RAP2B: variants seen among roughly 807,000 people sequenced by gnomAD.
RAP2B encodes the protein RAP2B, member of RAS oncogene family.
In RAP2B, 6 loss-of-function variants were observed where a neutral mutation model predicts 14.4. That is an observed-to-expected ratio of 0.42 (90% CI 0.23 to 0.82). The LOEUF is 0.82. Ranked by LOEUF, RAP2B falls within the 40% of genes least tolerant of loss-of-function variation. The probability of loss-of-function intolerance (pLI) is 0.30; values close to 1 mark genes in which losing one functional copy is unlikely to be tolerated. For missense variants in RAP2B, 137 were observed against 248.2 expected, an observed-to-expected ratio of 0.55 and a Z score of 3.01; for synonymous variants, 118 against 113.2, an observed-to-expected ratio of 1.04 and a Z score of -0.27.
At position 153,170,395 on chromosome 3, in the gene RAP2B, TAAAAG is replaced by T. The variant is rs1309037079; in HGVS notation, c.*7152_*7156del. The T allele has an allele frequency of 7.9e-5, 12 of 152,218 alleles. No individual in the cohort carries two copies. The highest frequency in any genetic ancestry group is 5.2e-4 in the Admixed American group (8 of 15,280). 9.4% of individuals were successfully genotyped at this position (152,218 alleles called of 1,614,324 possible). ...TAGCTGTACTGCGAGCGCTAATACT[TAAAAG>T]AGGAAGTCAGGTGAAGGCGCAACAG... On this transcript the variant is annotated 3_prime_UTR_variant, in exon 1 of 1. Coordinates refer to ENST00000323534, the MANE Select transcript of RAP2B (RefSeq NM_002886.4).
rs1713484582 is a variant in RAP2B, at chr3:153,163,660, C to CTTTTTT, written c.*418_*419insTTTTTT. 7 of 81,132 alleles carry CTTTTTT rather than the reference C, an allele frequency of 8.6e-5. No individual in the cohort carries two copies. Among genetic ancestry groups the CTTTTTT allele is most frequent in the African/African-American group, 2.0e-4 (4 of 19,614 alleles). 5.0% of individuals were successfully genotyped at this position (81,132 alleles called of 1,614,324 possible). A position where few individuals can be genotyped will look rare whatever the true frequency, so the allele number is the denominator to read the frequency against. ...GTTTTTTTTTTTTTTTTTCTATTTT[C>CTTTTTT]TTTCTTTTTTTTTTTTTTTTTTTTT... On this transcript the variant is annotated 3_prime_UTR_variant, in exon 1 of 1. Transcript: ENST00000323534.
chr3:153,167,389 C>T lies in RAP2B; in HGVS notation c.*4144C>T, dbSNP rs1426494026. ...AGCTTAAAACATGTACTGCTGGGAC[C>T]CTCCTCCAGTTTCTTACCCAGTGGG... On this transcript the variant is annotated 3_prime_UTR_variant, in exon 1 of 1. Transcript: ENST00000323534. 6.0e-6 allele frequency: 1 copy of T among 166,876 alleles called. No individual in the cohort carries two copies. The allele number at this position is 166,876 out of a possible 1,614,324, so 10.3% of individuals were successfully genotyped here. A position where few individuals can be genotyped will look rare whatever the true frequency, so the allele number is the denominator to read the frequency against.
Position 153,169,643 on chromosome 3 carries a change from A to G in RAP2B, c.*6398A>G, listed in dbSNP as rs529926108. ...GTATTTTTAGTAGAGATGGGGTTTC[A>G]CTACGTTGGTCAGGATGGTCTTGAA... On this transcript the variant is annotated 3_prime_UTR_variant, in exon 1 of 1. Coordinates refer to ENST00000323534, the MANE Select transcript of RAP2B (RefSeq NM_002886.4). The G allele has an allele frequency of 1.3e-5, 2 of 152,294 alleles. No homozygotes were observed. Among genetic ancestry groups the G allele is most frequent in the South Asian group, 2.1e-4 (1 of 4,828 alleles). The allele number at this position is 152,294 out of a possible 1,614,324, so 9.4% of individuals were successfully genotyped here. A position where few individuals can be genotyped will look rare whatever the true frequency, so the allele number is the denominator to read the frequency against.
rs1713593338 is a variant in RAP2B at position 153,166,799 on chromosome 3, A to T, written c.*3554A>T. On this transcript the variant is annotated 3_prime_UTR_variant, in exon 1 of 1. Transcript: ENST00000323534. ...GTATGGGACTTCATGCTTCCTGATTATGTAATATTTCCTGTGGTTGGGAAT... is the reference window on the plus strand; with the variant it reads ...GTATGGGACTTCATGCTTCCTGATTTTGTAATATTTCCTGTGGTTGGGAAT... 1 of 166,530 alleles carries T rather than the reference A, an allele frequency of 6.0e-6. No homozygotes were observed. The highest frequency in any genetic ancestry group is 6.5e-5 in the Admixed American group (1 of 15,282). 10.3% of individuals were successfully genotyped at this position (166,530 alleles called of 1,614,324 possible). A position where few individuals can be genotyped will look rare whatever the true frequency, so the allele number is the denominator to read the frequency against.
In RAP2B at chr3:153,165,354, T is replaced by C. The variant is rs1419045705; in HGVS notation, c.*2109T>C. 1 of 167,058 alleles carries C rather than the reference T, an allele frequency of 6.0e-6. No individual in the cohort carries two copies. The highest frequency in any genetic ancestry group is 1.5e-5 in the Non-Finnish European group (1 of 68,114). The allele number at this position is 167,058 out of a possible 1,614,324, so 10.3% of individuals were successfully genotyped here. On this transcript the variant is annotated 3_prime_UTR_variant, in exon 1 of 1. Coordinates refer to ENST00000323534, the MANE Select transcript of RAP2B (RefSeq NM_002886.4). ...ATTTGACCTCATAAGTTTTTCCTTT[T>C]AACAGTAGGAGGCAGTGTGAGCTTT...
In RAP2B at chr3:153,167,126, T is replaced by C. The variant is rs1457442167; in HGVS notation, c.*3881T>C. On this transcript the variant is annotated 3_prime_UTR_variant, in exon 1 of 1. Coordinates refer to ENST00000323534, the MANE Select transcript of RAP2B (RefSeq NM_002886.4). ...GTCTTATTTGGGGAAAGTTTGCTAA[T>C]ATACATTTTGTCTGTGAAAATATAG... 1 of 167,090 alleles carries C rather than the reference T, an allele frequency of 6.0e-6. No individual in the cohort carries two copies. Among genetic ancestry groups the C allele is most frequent in the Non-Finnish European group, 1.5e-5 (1 of 68,112 alleles). The allele number at this position is 167,090 out of a possible 1,614,324, so 10.4% of individuals were successfully genotyped here. A position where few individuals can be genotyped will look rare whatever the true frequency, so the allele number is the denominator to read the frequency against.
Position 153,163,014 on chromosome 3 carries a change from G to A in RAP2B, c.321G>A (p.Glu107=). ...RDQIIRVKRY[E]RVPMILVGNK... ...AGATCATCCGCGTGAAGCGGTACGA[G>A]CGCGTGCCCATGATCCTGGTGGGCA... Residue 107 remains glutamate (E), a synonymous_variant, in exon 1 of 1, where the codon GAG becomes GAA. Transcript: ENST00000323534. The A allele has an allele frequency of 3.1e-6, 5 of 1,614,190 alleles. No homozygotes were observed. The highest frequency in any genetic ancestry group is 4.2e-6 in the Non-Finnish European group (5 of 1,180,050).
Position 153,163,609 on chromosome 3 carries a change from A to G in RAP2B, c.*364A>G, listed in dbSNP as rs1379788746. The G allele has an allele frequency of 4.9e-6, 1 of 204,116 alleles. No individual in the cohort carries two copies. Among genetic ancestry groups the G allele is most frequent in the Non-Finnish European group, 1.1e-5 (1 of 94,050 alleles). 12.6% of individuals were successfully genotyped at this position (204,116 alleles called of 1,614,324 possible). A position where few individuals can be genotyped will look rare whatever the true frequency, so the allele number is the denominator to read the frequency against. ...AAAAAATGGGGGGGAAGGGTGGATG[A>G]AAAGGAGGGAGAGAAGGTGGAAATG... On this transcript the variant is annotated 3_prime_UTR_variant, in exon 1 of 1. Coordinates refer to ENST00000323534, the MANE Select transcript of RAP2B (RefSeq NM_002886.4).
rs928811252 is a variant in RAP2B at position 153,170,254 on chromosome 3, A to G, written c.*7009A>G. 4.6e-5 allele frequency: 7 copies of G among 152,152 alleles called. No individual in the cohort carries two copies. Among genetic ancestry groups the G allele is most frequent in the African/African-American group, 1.4e-4 (6 of 41,428 alleles). The allele number at this position is 152,152 out of a possible 1,614,324, so 9.4% of individuals were successfully genotyped here. ...TGCCTTGTGAATACAGGTGTCCCCA[A>G]AAGGCCTGAGACCAACCTTAATTAT... On this transcript the variant is annotated 3_prime_UTR_variant, in exon 1 of 1. Transcript: ENST00000323534.
rs549887755 is a variant in RAP2B, at chr3:153,165,720, T to G, written c.*2475T>G. On this transcript the variant is annotated 3_prime_UTR_variant, in exon 1 of 1. Transcript: ENST00000323534. The stretch of plus-strand genomic sequence containing the variant: ...TTTTTTTTCCCACTCTGATCTCACT[T>G]AAGTTTGATATCAAACACAATTGGG... 3.0e-5 allele frequency: 5 copies of G among 167,132 alleles called. No individual in the cohort carries two copies. In the South Asian group the frequency reaches 8.3e-4, roughly 28 times the overall value. 10.4% of individuals were successfully genotyped at this position (167,132 alleles called of 1,614,324 possible). A position where few individuals can be genotyped will look rare whatever the true frequency, so the allele number is the denominator to read the frequency against.
In RAP2B at chr3:153,169,620, A is replaced by AT. The variant is rs1713676807; in HGVS notation, c.*6380dup. 1 of 152,012 alleles carries AT rather than the reference A, an allele frequency of 6.6e-6. No individual in the cohort carries two copies. Among genetic ancestry groups the AT allele is most frequent in the African/African-American group, 2.4e-5 (1 of 41,294 alleles). 9.4% of individuals were successfully genotyped at this position (152,012 alleles called of 1,614,324 possible). ...ACCACCACGCCCGCCTAATTTTTGT[A>AT]TTTTTAGTAGAGATGGGGTTTCACT... is the stretch of plus-strand genomic sequence containing the variant. On this transcript the variant is annotated 3_prime_UTR_variant, in exon 1 of 1. Transcript: ENST00000323534.
Position 153,167,574 on chromosome 3 carries a change from T to C in RAP2B, c.*4329T>C, listed in dbSNP as rs1713614465. 6.0e-6 allele frequency: 1 copy of C among 167,080 alleles called. No homozygotes were observed. Among genetic ancestry groups the C allele is most frequent in the African/African-American group, 2.4e-5 (1 of 41,462 alleles). 10.3% of individuals were successfully genotyped at this position (167,080 alleles called of 1,614,324 possible). On this transcript the variant is annotated 3_prime_UTR_variant, in exon 1 of 1. Coordinates refer to ENST00000323534, the MANE Select transcript of RAP2B (RefSeq NM_002886.4). ...ATATTGAGAGACACAGACTTCAGACTCATGTCACACATTTTGGAGTGCTGT... is the reference window on the plus strand; with the variant it reads ...ATATTGAGAGACACAGACTTCAGACCCATGTCACACATTTTGGAGTGCTGT...
In RAP2B at chr3:153,162,959, G is replaced by A. The variant is rs1713451915; in HGVS notation, c.266G>A (p.Ser89Asn). 6.2e-7 allele frequency: 1 copy of A among 1,614,060 alleles called. No homozygotes were observed. The highest frequency in any genetic ancestry group is 1.7e-5 in the Admixed American group (1 of 60,006). ...GTCTACAGCCTCGTCAACCAGCAGA[G>A]CTTCCAGGACATCAAGCCCATGCGG... is the stretch of plus-strand genomic sequence containing the variant. ...ILVYSLVNQQ[S>N]FQDIKPMRDQ... The change falls in exon 1 of 1, where the codon AGC (serine) becomes AAC (asparagine). Residue 89 changes from serine to asparagine, a missense_variant. Around this residue, in one of 2 missense-constraint regions of RAP2B, gnomAD observed 106 missense variants for 143.5 expected, o/e 0.74. Coordinates refer to ENST00000323534, the MANE Select transcript of RAP2B (RefSeq NM_002886.4). The surrounding 1 kb of genome is among the most constrained non-coding windows in gnomAD (Gnocchi z 4.9).
rs1488896645 is a variant in RAP2B, at chr3:153,162,512, GCCGGCCCGGCGC to G, written c.-175_-164del. ...CAGGGATACGCTGCCGCCGCCGCCG[GCCGGCCCGGCGC>G]CCGGCCTCCGTTCGGTGGTTTCCGC... On this transcript the variant is annotated 5_prime_UTR_variant, in exon 1 of 1. Transcript: ENST00000323534. The surrounding 1 kb of genome is among the most constrained non-coding windows in gnomAD (Gnocchi z 4.9). 1 of 663,764 alleles carries G rather than the reference GCCGGCCCGGCGC, an allele frequency of 1.5e-6. No homozygotes were observed. The highest frequency in any genetic ancestry group is 1.9e-5 in the African/African-American group (1 of 52,252). The allele number at this position is 663,764 out of a possible 1,614,324, so 41.1% of individuals were successfully genotyped here. A position where few individuals can be genotyped will look rare whatever the true frequency, so the allele number is the denominator to read the frequency against.
In RAP2B at chr3:153,163,310, T is replaced by C; in HGVS notation, c.*65T>C. ...CCAAACGCATCCGACTCTCTAAATG[T>C]GATTTATTTCTTGCTTTGAGATTGG... On this transcript the variant is annotated 3_prime_UTR_variant, in exon 1 of 1. Transcript: ENST00000323534. The C allele has an allele frequency of 6.8e-7, 1 of 1,462,054 alleles. No individual in the cohort carries two copies. The highest frequency in any genetic ancestry group is 1.5e-5 in the South Asian group (1 of 68,578). The allele number at this position is 1,462,054 out of a possible 1,614,324, so 90.6% of individuals were successfully genotyped here.
In RAP2B at chr3:153,162,924, C is replaced by T. The variant is rs1307846577; in HGVS notation, c.231C>T (p.Gly77=). ...ACCTGTACATCAAGAACGGCCAGGG[C>T]TTCATCCTGGTCTACAGCCTCGTCA... is the stretch of plus-strand genomic sequence containing the variant. The part of the protein sequence containing the change: ...MRDLYIKNGQ[G]FILVYSLVNQ... Residue 77 remains glycine (G), a synonymous_variant, in exon 1 of 1, where the codon GGC becomes GGT. Coordinates refer to ENST00000323534, the MANE Select transcript of RAP2B (RefSeq NM_002886.4). This position sits in a 1 kb window ranked among gnomAD's most constrained non-coding sequence, Gnocchi z 4.9. 5.0e-6 allele frequency: 8 copies of T among 1,613,998 alleles called. No individual in the cohort carries two copies. Among genetic ancestry groups the T allele is most frequent in the Admixed American group, 3.3e-5 (2 of 60,006 alleles).
rs1257180260 is a variant in RAP2B, at chr3:153,164,810, T to C, written c.*1565T>C. 6.0e-6 allele frequency: 1 copy of C among 167,112 alleles called. No homozygotes were observed. The highest frequency in any genetic ancestry group is 2.1e-4 in the South Asian group (1 of 4,834). 10.4% of individuals were successfully genotyped at this position (167,112 alleles called of 1,614,324 possible). A position where few individuals can be genotyped will look rare whatever the true frequency, so the allele number is the denominator to read the frequency against. ...GGCTGAGGTGGATGGGGCAGGTGCA[T>C]GATACTCTTCAGAGCTATTTGTGAA... On this transcript the variant is annotated 3_prime_UTR_variant, in exon 1 of 1. Coordinates refer to ENST00000323534, the MANE Select transcript of RAP2B (RefSeq NM_002886.4).
chr3:153,168,668 T>G lies in RAP2B; in HGVS notation c.*5423T>G, dbSNP rs1713644955. 1 of 152,228 alleles carries G rather than the reference T, an allele frequency of 6.6e-6. No individual in the cohort carries two copies. The highest frequency in any genetic ancestry group is 1.5e-5 in the Non-Finnish European group (1 of 68,032). The allele number at this position is 152,228 out of a possible 1,614,324, so 9.4% of individuals were successfully genotyped here. On this transcript the variant is annotated 3_prime_UTR_variant, in exon 1 of 1. Coordinates refer to ENST00000323534, the MANE Select transcript of RAP2B (RefSeq NM_002886.4). ...TTTTATCTTCCCTACCCATGATAGA[T>G]TTATTAAGATTGTCTTTGGAGCTAT...
Position 153,162,649 on chromosome 3 carries a change from C to A in RAP2B, c.-45C>A, listed in dbSNP as rs745398186. On this transcript the variant is annotated 5_prime_UTR_variant, in exon 1 of 1. Transcript: ENST00000323534. This position sits in a 1 kb window ranked among gnomAD's most constrained non-coding sequence, Gnocchi z 4.9. ...AAGCCCAGCCTTCCCCGGCGCGCAG[C>A]CCCGACGGGGCCGCGGCAGGCGCGG... is the stretch of plus-strand genomic sequence containing the variant. 1 of 1,550,238 alleles carries A rather than the reference C, an allele frequency of 6.5e-7. No homozygotes were observed.
Sources: gnomAD v4.1 joint callset for allele counts on GRCh38, gnomAD v4.1.1 for gene constraint, gnomAD v4.1.1 regional missense constraint, Gnocchi (gnomAD v3.1) non-coding constraint, MANE v1.5 for transcripts, NCBI Gene and HGNC (gene_info 2026-07-23, HGNC 2026-07-21) for gene names.